Variants in ARIH1 observed in about 807,000 individuals in gnomAD.
The protein encoded by ARIH1 is ariadne RBR E3 ubiquitin protein ligase 1.
In ARIH1, 8 loss-of-function variants were observed where a neutral mutation model predicts 85.0. The observed-to-expected ratio is 0.09, with a 90% confidence interval of 0.06 to 0.17. The LOEUF (loss-of-function observed/expected upper bound fraction) is 0.17. ARIH1 is among the 10% of genes least tolerant of loss of function. The pLI is 1.00. For synonymous variants in ARIH1, 238 were observed against 253.6 expected (o/e 0.94, Z 0.59); for missense variants, 311 against 718.1 (o/e 0.43, Z 6.48).
rs554414362 is a variant in ARIH1 at position 72,575,534 on chromosome 15, G to C, written c.1215+3369G>C. Among the ~76,000 whole-genome samples the C allele has an allele frequency of 1.3e-3, 146 of 109,626 alleles. 1 individual carries two copies. The highest frequency in any genetic ancestry group is 4.2e-3 in the Admixed American group (31 of 7,322). The allele number at this position is 109,626 out of a possible 152,430, so 71.9% of individuals were successfully genotyped here. ...CCACTGCACTCTAGCTCAAGCAACA[G>C]AGCAAGACCCTGTCTCCAAAAAAAA... On this transcript the variant is annotated intron_variant, in intron 11 of 13. Coordinates refer to ENST00000379887, the MANE Select transcript of ARIH1 (RefSeq NM_005744.5).
At chr15:72,568,276 G>C (rs762188649) in intron 9 of ARIH1, among the ~76,000 whole-genome samples, 21 of 152,036 alleles carry the variant, frequency 1.4e-4, no homozygotes, top group Non-Finnish European at 3.1e-4. Flanking sequence ...TCTTAGCCAA[G>C]CATTCTTTTT....
Position 72,587,920 on chromosome 15 carries a change from G to GA in ARIH1, c.*4634dup, listed in dbSNP as rs1238413243. ...CTCTAGGCGGTAGCATTTAGGATGG[G>GA]AAAAAATAATATGAGTTATGTGCGA... On this transcript the variant is annotated 3_prime_UTR_variant, in exon 14 of 14. Coordinates refer to ENST00000379887, the MANE Select transcript of ARIH1 (RefSeq NM_005744.5). The GA allele has an allele frequency of 6.6e-6, 1 of 152,080 alleles. No individual in the cohort carries two copies. The highest frequency in any genetic ancestry group is 2.4e-5 in the African/African-American group (1 of 41,386). The allele number at this position is 152,080 out of a possible 1,614,324, so 9.4% of individuals were successfully genotyped here. A position where few individuals can be genotyped will look rare whatever the true frequency, so the allele number is the denominator to read the frequency against.
At chr15:72,572,219 C>T in intron 11 of ARIH1, 54 bp downstream of exon 11, 1 of 1,099,946 alleles carries the variant, frequency 9.1e-7, no homozygotes. Flanking sequence ...GTTGTATATT[C>T]ATATTCATTA....
In ARIH1 at chr15:72,580,995, G is replaced by A. The variant is rs774232635; in HGVS notation, c.1476+4G>A. 6 of 1,611,312 alleles carry A rather than the reference G, an allele frequency of 3.7e-6. No homozygotes were observed. Among genetic ancestry groups the A allele is most frequent in the Admixed American group, 1.7e-5 (1 of 59,930 alleles). On this transcript the variant is annotated splice_donor_region_variant and intron_variant, in intron 12 of 13. Transcript: ENST00000379887. ...TAACCAGTCCATTATCTTTGAGGTA[G>A]GAGTAGTTCTGGGTGAGGAAAAAGC... is the stretch of plus-strand genomic sequence containing the variant.
rs1389318402 is a variant in ARIH1, at chr15:72,600,843, A to C, written c.*17551A>C. 1 of 152,204 alleles carries C rather than the reference A, an allele frequency of 6.6e-6. No homozygotes were observed. The highest frequency in any genetic ancestry group is 6.5e-5 in the Admixed American group (1 of 15,278). 9.4% of individuals were successfully genotyped at this position (152,204 alleles called of 1,614,324 possible). A position where few individuals can be genotyped will look rare whatever the true frequency, so the allele number is the denominator to read the frequency against. Reference sequence around the variant, plus strand: ...CTCACAAGATCTGAGGTCAAAGGAGAGATTTTGAAACATTATAGCAATGGC... The same window carrying C: ...CTCACAAGATCTGAGGTCAAAGGAGCGATTTTGAAACATTATAGCAATGGC... On this transcript the variant is annotated 3_prime_UTR_variant, in exon 14 of 14. Coordinates refer to ENST00000379887, the MANE Select transcript of ARIH1 (RefSeq NM_005744.5).
At chr15:72,526,923 AT>A (rs1423044885) in intron 2 of ARIH1, among the ~76,000 whole-genome samples, 3 of 148,964 alleles carry the variant, frequency 2.0e-5, no homozygotes, top group African/African-American at 7.4e-5. Flanking sequence ...ACTAAATAGA[AT>A]TTTCTATAAT....
intron 2 of ARIH1, among the ~76,000 whole-genome samples, chr15:72,526,309 C>T (rs1595861535): frequency 2.0e-5 from 3 of 152,210 alleles, no homozygotes; most frequent in African/African-American, 7.2e-5. Context: ...CCCATGGTCC[C>T]CTGAGGGCAA....
chr15:72,576,956 T>G (rs564747877), intron 11 of ARIH1, among the ~76,000 whole-genome samples: 3 of 152,104 alleles, frequency 2.0e-5, no homozygotes, highest in Non-Finnish European at 4.4e-5. Context: ...ATTTTGTATG[T>G]TACATGTTTT....
At chr15:72,518,981 T>G (rs1178553912) in intron 2 of ARIH1, among the ~76,000 whole-genome samples, 2 of 152,018 alleles carry the variant, frequency 1.3e-5, no homozygotes, top group African/African-American at 2.4e-5. Context: ...CTGAAAATCT[T>G]TATAGTTTTA....
At chr15:72,477,928 T>C (rs987723888) in intron 1 of ARIH1, among the ~76,000 whole-genome samples, 1 of 151,082 alleles carries the variant, frequency 6.6e-6, no homozygotes, top group Non-Finnish European at 1.5e-5. Flanking sequence ...TGCCTCAGCT[T>C]CCCCCCCTAC....
At chr15:72,546,942 G>GT (rs1169093548) in intron 3 of ARIH1, among the ~76,000 whole-genome samples, 5 of 145,274 alleles carry the variant, frequency 3.4e-5, no homozygotes, top group Non-Finnish European at 7.4e-5. Flanking sequence ...GGAGGGGGGG[G>GT]GGTGGGACGG....
intron 5 of ARIH1, among the ~76,000 whole-genome samples, chr15:72,557,497 TTGTC>T (rs1207002146): frequency 6.6e-6 from 1 of 152,152 alleles, no homozygotes; most frequent in African/African-American, 2.4e-5. Context: ...ATTCTGTAGG[TTGTC>T]TGTTTACTCT....
At chr15:72,557,734 A>C (rs1237771840) in intron 5 of ARIH1, among the ~76,000 whole-genome samples, 1 of 152,154 alleles carries the variant, frequency 6.6e-6, no homozygotes, top group Non-Finnish European at 1.5e-5. Flanking sequence ...ATGGTGAAAG[A>C]TATAGGGGTC....
chr15:72,547,667 A>G (rs2064135708), intron 3 of ARIH1, among the ~76,000 whole-genome samples: 1 of 152,226 alleles, frequency 6.6e-6, no homozygotes, highest in Non-Finnish European at 1.5e-5. Context: ...CTGTTACAAT[A>G]TATTAATATT....
chr15:72,474,855 C>T lies in ARIH1; in HGVS notation c.216C>T (p.Ser72=), dbSNP rs1388587517. Residue 72 remains serine, a synonymous_variant, in exon 1 of 14, where the codon AGC becomes AGT. Coordinates refer to ENST00000379887, the MANE Select transcript of ARIH1 (RefSeq NM_005744.5). ...GGGAGACGGGCGGTGGCGGCGGCAGCGCTCTGGGGCCCGGCGGTGGCGGCG... is the reference window on the plus strand; with the variant it reads ...GGGAGACGGGCGGTGGCGGCGGCAGTGCTCTGGGGCCCGGCGGTGGCGGCG... ...LCGETGGGGG[S]ALGPGGGGGG... The T allele has an allele frequency of 2.9e-6, 4 of 1,368,970 alleles. No homozygotes were observed. The highest frequency in any genetic ancestry group is 3.8e-6 in the Non-Finnish European group (4 of 1,061,962). 84.8% of individuals were successfully genotyped at this position (1,368,970 alleles called of 1,614,324 possible).
chr15:72,592,797 T>G lies in ARIH1; in HGVS notation c.*9505T>G, dbSNP rs774622726. 2.0e-5 allele frequency: 3 copies of G among 152,250 alleles called. No individual in the cohort carries two copies. The highest frequency in any genetic ancestry group is 2.9e-5 in the Non-Finnish European group (2 of 68,040). The allele number at this position is 152,250 out of a possible 1,614,324, so 9.4% of individuals were successfully genotyped here. A position where few individuals can be genotyped will look rare whatever the true frequency, so the allele number is the denominator to read the frequency against. ...TTCTATAAATATACCACAATTTGTTTATTCATTCTCCTATTGAAGGACCTT... is the reference window on the plus strand; with the variant it reads ...TTCTATAAATATACCACAATTTGTTGATTCATTCTCCTATTGAAGGACCTT... On this transcript the variant is annotated 3_prime_UTR_variant, in exon 14 of 14. Coordinates refer to ENST00000379887, the MANE Select transcript of ARIH1 (RefSeq NM_005744.5).
chr15:72,504,368 G>A (rs1447406607), intron 1 of ARIH1, among the ~76,000 whole-genome samples: 1 of 152,034 alleles, frequency 6.6e-6, no homozygotes, highest in East Asian at 1.9e-4. Context: ...AGCCTTTTTT[G>A]GGTACCTGCA....
chr15:72,587,289 C>T lies in ARIH1; in HGVS notation c.*3997C>T, dbSNP rs562760607. On this transcript the variant is annotated 3_prime_UTR_variant, in exon 14 of 14. Transcript: ENST00000379887. ...CACAGAATGACCTAGTATTCTGTACCAGGGAAGGTAGTTCTTAACTATATT... is the reference window on the plus strand; with the variant it reads ...CACAGAATGACCTAGTATTCTGTACTAGGGAAGGTAGTTCTTAACTATATT... 4.0e-6 allele frequency: 2 copies of T among 503,792 alleles called. No individual in the cohort carries two copies. The highest frequency in any genetic ancestry group is 4.2e-5 in the Admixed American group (2 of 47,394). The allele number at this position is 503,792 out of a possible 1,614,324, so 31.2% of individuals were successfully genotyped here. A position where few individuals can be genotyped will look rare whatever the true frequency, so the allele number is the denominator to read the frequency against.
chr15:72,549,648 G>A (rs867151053), intron 3 of ARIH1, among the ~76,000 whole-genome samples: 6 of 152,096 alleles, frequency 3.9e-5, no homozygotes, highest in Non-Finnish European at 5.9e-5. Context: ...ATAAACAAAG[G>A]GGTTTCAATT....
Sources: gnomAD v4.1 joint callset for allele counts (sites outside exome capture counted in the v4.1 genomes callset) on GRCh38, gnomAD v4.1.1 for gene constraint, MANE v1.5 for transcripts, NCBI Gene and HGNC (gene_info 2026-07-23, HGNC 2026-07-21) for gene names.